Variants in BTAF1 observed in about 807,000 individuals in gnomAD.
The protein encoded by BTAF1 is B-TFIID TATA-box binding protein associated factor 1.
In BTAF1, 38 loss-of-function variants were observed where a neutral mutation model predicts 227.1. The ratio of observed to expected loss-of-function variants is 0.17; its 90% CI spans 0.13 to 0.22. The LOEUF (loss-of-function observed/expected upper bound fraction) is 0.22. Among genes scored for constraint, BTAF1 ranks in the 10% least tolerant of loss-of-function variants. The pLI is 1.00. For missense variants in BTAF1, 1,598 were observed against 2,204.0 expected (o/e 0.73, Z 5.51); for synonymous variants, 742 against 751.9 (o/e 0.99, Z 0.21).
At chr10:91,964,545 C>T (rs1449867082) in intron 13 of BTAF1, among the ~76,000 whole-genome samples, 1 of 152,086 alleles carries the variant, frequency 6.6e-6, no homozygotes, top group Admixed American at 6.5e-5. Flanking sequence ...ATTTAGTTAA[C>T]AGAATTATCA....
chr10:92,013,899 G>A lies in BTAF1; in HGVS notation c.4454G>A (p.Gly1485Asp), dbSNP rs1213796257. 1 of 1,613,420 alleles carries A rather than the reference G, an allele frequency of 6.2e-7. No individual in the cohort carries two copies. Among genetic ancestry groups the A allele is most frequent in the Admixed American group, 1.7e-5 (1 of 59,868 alleles). Residue 1485 changes from glycine (G) to aspartate (D), a missense_variant and splice_region_variant, in exon 32 of 38, where the codon GGT becomes GAT. By Grantham distance (94) the Gly-to-Asp change is moderately conservative. This residue lies in a region of BTAF1 where 184 missense variants were observed against 341.1 expected (regional missense o/e 0.54). Coordinates refer to ENST00000265990, the MANE Select transcript of BTAF1 (RefSeq NM_003972.3). ...CCATTTTCTCTTTAACTATTAACAG[G>A]TGTTCTTGCTATGGATGCGCTGCAC... ...ARSSSREQEA[G>D]VLAMDALHRQ...
At chr10:91,985,713 A>G (rs1011367744) in intron 19 of BTAF1, among the ~76,000 whole-genome samples, 3 of 152,138 alleles carry the variant, frequency 2.0e-5, no homozygotes, top group African/African-American at 7.2e-5. Context: ...TTCCTTGATG[A>G]CTAATATGTT....
chr10:91,973,572 T>G (rs1005246239), intron 14 of BTAF1, among the ~76,000 whole-genome samples: 3 of 152,162 alleles, frequency 2.0e-5, no homozygotes, highest in Non-Finnish European at 4.4e-5. Context: ...CTACTGCCAT[T>G]CCTGTTTTGC....
Position 91,923,783 on chromosome 10 carries a change from G to A in BTAF1, c.-294G>A. 5.1e-6 allele frequency: 2 copies of A among 390,236 alleles called. No individual in the cohort carries two copies. Among genetic ancestry groups the A allele is most frequent in the Non-Finnish European group, 9.1e-6 (2 of 218,788 alleles). 24.2% of individuals were successfully genotyped at this position (390,236 alleles called of 1,614,324 possible). A position where few individuals can be genotyped will look rare whatever the true frequency, so the allele number is the denominator to read the frequency against. On this transcript the variant is annotated 5_prime_UTR_variant, in exon 1 of 38. Coordinates refer to ENST00000265990, the MANE Select transcript of BTAF1 (RefSeq NM_003972.3). ...GCGCTGACGCTCAGTTGTGCGTGCC[G>A]ACGCCCGCGTCAGCAAAGAGCGGAG...
chr10:91,964,424 A>C (rs185675405), intron 13 of BTAF1, among the ~76,000 whole-genome samples: 1 of 152,096 alleles, frequency 6.6e-6, no homozygotes, highest in Non-Finnish European at 1.5e-5. Context: ...TATTTCAGTT[A>C]TATAATTCAT....
At chr10:92,000,976 CAG>C (rs1291012526) in intron 25 of BTAF1, among the ~76,000 whole-genome samples, 5 of 152,174 alleles carry the variant, frequency 3.3e-5, no homozygotes, top group Admixed American at 2.0e-4. Flanking sequence ...GAACATGATA[CAG>C]ATTTTGCTTC....
chr10:91,982,461 A>T, intron 17 of BTAF1, 126 bp from the exon 18 acceptor site: 1 of 1,189,750 alleles, frequency 8.4e-7, no homozygotes, highest in Non-Finnish European at 1.2e-6. Context: ...CTGTGGGAAA[A>T]GTTATGGCTT....
At chr10:91,933,534 C>T (rs1432658384) in intron 1 of BTAF1, among the ~76,000 whole-genome samples, 1 of 152,072 alleles carries the variant, frequency 6.6e-6, no homozygotes, top group Non-Finnish European at 1.5e-5. Context: ...GTTTGGAGAA[C>T]AGGGTAATAT....
intron 36 of BTAF1, 124 bp downstream of exon 36, chr10:92,026,875 A>G: frequency 1.8e-6 from 2 of 1,104,540 alleles, no homozygotes; most frequent in Non-Finnish European, 2.5e-6. Flanking sequence ...GACCTTGGAC[A>G]GATCACTTAA....
At chr10:92,025,442 T>TAA (rs1289816579) in intron 35 of BTAF1, among the ~76,000 whole-genome samples, 2,945 of 150,288 alleles carry the variant, frequency 0.02, 40 homozygotes, top group Non-Finnish European at 0.03. Flanking sequence ...GCTTTTTTTT[T>TAA]TAAAAAAAAA....
rs1444125354 is a variant in BTAF1, at chr10:92,030,465, A to AT, written c.*1539dup. ...ACATTTCAGTATATTTGAGTTGAAT[A>AT]TTTTTTTATTAACTATTTATTTGCT... On this transcript the variant is annotated 3_prime_UTR_variant, in exon 38 of 38. Transcript: ENST00000265990. The AT allele has an allele frequency of 3.9e-5, 6 of 152,072 alleles. No homozygotes were observed. Among genetic ancestry groups the AT allele is most frequent in the South Asian group, 2.1e-4 (1 of 4,810 alleles). 9.4% of individuals were successfully genotyped at this position (152,072 alleles called of 1,614,324 possible). A position where few individuals can be genotyped will look rare whatever the true frequency, so the allele number is the denominator to read the frequency against.
chr10:91,976,420 G>A (rs1221031257), intron 14 of BTAF1, among the ~76,000 whole-genome samples: 1 of 152,220 alleles, frequency 6.6e-6, no homozygotes. Context: ...TAGCTCTGGA[G>A]GTGGGGAGCA....
chr10:91,938,720 T>C (rs891000360), intron 2 of BTAF1, among the ~76,000 whole-genome samples: 3 of 152,172 alleles, frequency 2.0e-5, no homozygotes, highest in Non-Finnish European at 4.4e-5. Context: ...TGGTGGTACA[T>C]GCCCATAGGC....
chr10:91,955,012 C>T (rs1377895073), intron 6 of BTAF1, among the ~76,000 whole-genome samples: 1 of 152,082 alleles, frequency 6.6e-6, no homozygotes, highest in Non-Finnish European at 1.5e-5. Context: ...TCACATAAAG[C>T]TAAAAAGTGT....
chr10:92,027,008 CAAAAT>C (rs779257311), intron 36 of BTAF1, 117 bp from the exon 37 acceptor site: 33 of 1,097,894 alleles, frequency 3.0e-5, no homozygotes, highest in East Asian at 5.1e-5. Flanking sequence ...TGTGGCCAGA[CAAAAT>C]AAAAATCCAA....
chr10:91,959,889 C>T lies in BTAF1; in HGVS notation c.1086+9C>T. ...ACTTTGTTTCTGATGAAGTAAGTAT[C>T]ATTTAAGGGAGGCTTTGCCCAATCA... On this transcript the variant is annotated intron_variant, in intron 10 of 37. Transcript: ENST00000265990. The T allele has an allele frequency of 1.9e-6, 3 of 1,603,456 alleles. No homozygotes were observed. The highest frequency in any genetic ancestry group is 1.7e-6 in the Non-Finnish European group (2 of 1,176,724).
chr10:92,006,558 C>A (rs11186792), intron 25 of BTAF1, among the ~76,000 whole-genome samples: 41,539 of 151,936 alleles, frequency 0.27, 6,924 homozygotes, highest in Non-Finnish European at 0.38. Context: ...CATTGAGTTA[C>A]GTAAATCTTC....
intron 35 of BTAF1, among the ~76,000 whole-genome samples, chr10:92,025,624 T>C (rs1851447652): frequency 1.3e-5 from 2 of 151,784 alleles, no homozygotes; most frequent in South Asian, 4.2e-4. Flanking sequence ...CTGGCCAACA[T>C]GGTGAAACCC....
chr10:91,962,677 A>C lies in BTAF1; in HGVS notation c.1403A>C (p.Lys468Thr). 6.3e-7 allele frequency: 1 copy of C among 1,584,868 alleles called. No individual in the cohort carries two copies. The part of the protein sequence containing the change: ...VESLVYLQTQ[K>T]VPFIINTLWD... ...AGCCTTGTCTATCTTCAGACACAAA[A>C]GGTAAATTAAATATTTTTACAGTTT... The change falls in exon 12 of 38, where the codon AAG becomes ACG. Residue 468 changes from lysine (K) to threonine (T), a missense_variant and splice_region_variant. Transcript: ENST00000265990.
Sources: allele counts gnomAD v4.1 joint callset (sites outside exome capture counted in the v4.1 genomes callset), GRCh38; gene constraint gnomAD v4.1.1; regional missense constraint gnomAD v4.1.1; transcripts MANE v1.5; gene names NCBI Gene and HGNC (gene_info 2026-07-23, HGNC 2026-07-21).